Variants in RBFOX1 observed in about 807,000 individuals in gnomAD.
RBFOX1 encodes the protein RNA binding fox-1 homolog 1, also known as RNA binding protein fox-1 homolog 1.
Under a neutral mutation model 57.7 loss-of-function variants are expected in RBFOX1, and 8 were observed. The ratio of observed to expected loss-of-function variants is 0.14; its 90% CI spans 0.08 to 0.25. The LOEUF (loss-of-function observed/expected upper bound fraction) is 0.25. Among genes scored for constraint, RBFOX1 ranks in the 10% least tolerant of loss-of-function variants. The pLI is 1.00. For missense variants in RBFOX1, 611 were observed against 548.5 expected, an observed-to-expected ratio of 1.11 and a Z score of -1.14; for synonymous variants, 326 against 222.4, an observed-to-expected ratio of 1.47 and a Z score of -4.15.
At chr16:5,962,104 T>C (rs562321554) in intron 4 of RBFOX1, among the ~76,000 whole-genome samples, 1 of 152,296 alleles carries the variant, frequency 6.6e-6, no homozygotes, top group East Asian at 1.9e-4. Flanking sequence ...GGTGGTATGA[T>C]GAATAAAGGA....
At chr16:6,797,762 T>C (rs150372390) in intron 3 of RBFOX1, among the ~76,000 whole-genome samples, 1 of 152,142 alleles carries the variant, frequency 6.6e-6, no homozygotes, top group Non-Finnish European at 1.5e-5. Flanking sequence ...TTATACCTGG[T>C]TTTATGATGT....
At chr16:6,841,667 CT>C (rs2141480691) in intron 3 of RBFOX1, among the ~76,000 whole-genome samples, 1 of 152,210 alleles carries the variant, frequency 6.6e-6, no homozygotes, top group South Asian at 2.1e-4. Context: ...TAACAGAGTG[CT>C]TTAGCCCTCT....
chr16:5,712,170 C>G (rs573631840), intron 3 of RBFOX1, among the ~76,000 whole-genome samples: 1 of 152,246 alleles, frequency 6.6e-6, no homozygotes, highest in South Asian at 2.1e-4. Context: ...GAAAACTGCC[C>G]CCATGATCCA....
intron 4 of RBFOX1, among the ~76,000 whole-genome samples, chr16:7,100,509 C>G (rs898611013): frequency 6.6e-6 from 1 of 150,502 alleles, no homozygotes; most frequent in Non-Finnish European, 1.5e-5. Flanking sequence ...CAAATTATCT[C>G]ATAAACATTT....
At chr16:5,415,221 C>G (rs1479120877) in intron 1 of RBFOX1, among the ~76,000 whole-genome samples, 4 of 152,090 alleles carry the variant, frequency 2.6e-5, no homozygotes, top group Non-Finnish European at 5.9e-5. Flanking sequence ...CCTCAGGAAA[C>G]TTACAATCAT....
intron 1 of RBFOX1, among the ~76,000 whole-genome samples, chr16:6,094,945 A>G (rs936226633): frequency 6.6e-6 from 1 of 152,200 alleles, no homozygotes; most frequent in African/African-American, 2.4e-5. Flanking sequence ...CTGTAGTCCC[A>G]GCTACTCGAG....
At chr16:7,469,151 G>T (rs2061084980) in intron 4 of RBFOX1, among the ~76,000 whole-genome samples, 1 of 152,028 alleles carries the variant, frequency 6.6e-6, no homozygotes, top group South Asian at 2.1e-4. Context: ...AGCCAGGATG[G>T]TCTCAATCTC....
intron 4 of RBFOX1, among the ~76,000 whole-genome samples, chr16:7,245,056 T>G (rs2094233845): frequency 6.6e-6 from 1 of 152,200 alleles, no homozygotes; most frequent in Admixed American, 6.5e-5. Flanking sequence ...ACTTTCTGAT[T>G]GTTTACCTAA....
rs138398925 is a variant in RBFOX1 at position 7,675,977 on chromosome 16, T to A, written c.931-797T>A. ...AACGCTCCACTGAACACAATTCCTTTTGAATATGCCTATTTGCTCGTCCTC... is the reference window on the plus strand; with the variant it reads ...AACGCTCCACTGAACACAATTCCTTATGAATATGCCTATTTGCTCGTCCTC... On this transcript the variant is annotated intron_variant, in intron 13 of 15. Coordinates refer to ENST00000550418, the MANE Select transcript of RBFOX1 (RefSeq NM_018723.4). 2.5e-3 allele frequency among the ~76,000 whole-genome samples: 376 copies of A among 152,348 alleles called. 2 individuals carry two copies. The highest frequency in any genetic ancestry group is 3.4e-3 in the Non-Finnish European group (231 of 68,028).
chr16:7,113,706 A>G (rs774554327), intron 4 of RBFOX1, among the ~76,000 whole-genome samples: 5 of 151,820 alleles, frequency 3.3e-5, no homozygotes, highest in Non-Finnish European at 5.9e-5. Context: ...GTGGAGATCT[A>G]TTTTGTTCTT....
chr16:5,525,773 C>G (rs1468961063), intron 2 of RBFOX1, among the ~76,000 whole-genome samples: 1 of 152,016 alleles, frequency 6.6e-6, no homozygotes, highest in Non-Finnish European at 1.5e-5. Flanking sequence ...GCTGGGAATA[C>G]AGGGGTGAGC....
chr16:7,408,428 G>A (rs572066659), intron 4 of RBFOX1, among the ~76,000 whole-genome samples: 1 of 152,162 alleles, frequency 6.6e-6, no homozygotes, highest in Non-Finnish European at 1.5e-5. Context: ...AGATGAATGG[G>A]AGAAACAGTG....
At chr16:7,613,441 A>G (rs2057904917) in intron 10 of RBFOX1, among the ~76,000 whole-genome samples, 1 of 152,164 alleles carries the variant, frequency 6.6e-6, no homozygotes, top group Non-Finnish European at 1.5e-5. Context: ...CACCAAAGTC[A>G]CCTCGACTGA....
intron 3 of RBFOX1, among the ~76,000 whole-genome samples, chr16:6,957,350 C>G (rs1050226570): frequency 6.6e-6 from 1 of 151,998 alleles, no homozygotes; most frequent in Non-Finnish European, 1.5e-5. Context: ...CCAGGATGGT[C>G]TCGATCTCCT....
At position 6,289,607 on chromosome 16, in the gene RBFOX1, C is replaced by A. The variant is rs2152718076; in HGVS notation, c.-126-27388C>A. Among the ~76,000 whole-genome samples, 3 of 152,182 alleles carry A rather than the reference C, an allele frequency of 2.0e-5. No homozygotes were observed. In the East Asian group the frequency reaches 5.8e-4, roughly 29 times the overall value. ...GAGTGTCTTTCCGTCCTCTAGCTGTCCAATATCTGTTTAATCCACAAACAA... is the reference window on the plus strand; with the variant it reads ...GAGTGTCTTTCCGTCCTCTAGCTGTACAATATCTGTTTAATCCACAAACAA... On this transcript the variant is annotated intron_variant, in intron 1 of 15. Coordinates refer to ENST00000550418, the MANE Select transcript of RBFOX1 (RefSeq NM_018723.4).
chr16:6,853,659 G>C (rs560722490), intron 3 of RBFOX1, among the ~76,000 whole-genome samples: 2 of 152,178 alleles, frequency 1.3e-5, no homozygotes, highest in African/African-American at 4.8e-5. Flanking sequence ...CTCTCAGCCT[G>C]TATGGAGGCT....
At chr16:7,291,901 T>A (rs1290707804) in intron 4 of RBFOX1, among the ~76,000 whole-genome samples, 1 of 144,968 alleles carries the variant, frequency 6.9e-6, no homozygotes, top group East Asian at 2.0e-4. Flanking sequence ...ATGTACTATA[T>A]AATGTATTAT....
chr16:5,975,150 G>A lies in RBFOX1; in HGVS notation c.351+107815G>A, dbSNP rs375885282. Among the ~76,000 whole-genome samples, 8 of 152,200 alleles carry A rather than the reference G, an allele frequency of 5.3e-5. No homozygotes were observed. The East Asian group carries it at 1.2e-3, about 22-fold the overall frequency. On this transcript the variant is annotated intron_variant, in intron 4 of 19. Transcript: ENST00000641259. ...GTTGTTTAGTACTTAATAAATCATG[G>A]CACATAATTATGTTGATAAATTCCA...
At chr16:6,883,422 TGTTG>T (rs918714273) in intron 3 of RBFOX1, among the ~76,000 whole-genome samples, 13 of 152,210 alleles carry the variant, frequency 8.5e-5, no homozygotes, top group African/African-American at 3.1e-4. Flanking sequence ...TTAATTAATG[TGTTG>T]GTTCATAGAC....
Sources: gnomAD v4.1 joint callset for allele counts (sites outside exome capture counted in the v4.1 genomes callset) on GRCh38, gnomAD v4.1.1 for gene constraint, MANE v1.5 for transcripts, NCBI Gene and HGNC (gene_info 2026-07-23, HGNC 2026-07-21) for gene names.